Variants in FGGY observed in about 807,000 individuals in gnomAD.
FGGY encodes the protein FGGY carbohydrate kinase domain containing, also known as FGGY carbohydrate kinase domain-containing protein.
Under a neutral mutation model 71.3 loss-of-function variants are expected in FGGY, and 72 were observed. The ratio of observed to expected loss-of-function variants is 1.01; its 90% CI spans 0.84 to 1.23. The LOEUF (loss-of-function observed/expected upper bound fraction) is 1.23. FGGY is among the 50% of genes most tolerant of loss of function. FGGY has a pLI of 0.00. For synonymous variants in FGGY, 251 were observed against 250.3 expected, an observed-to-expected ratio of 1.00 and a Z score of -0.02; for missense variants, 668 against 682.3, an observed-to-expected ratio of 0.98 and a Z score of 0.23.
At chr1:59,622,077 G>T (rs1327701975) in intron 9 of FGGY, among the ~76,000 whole-genome samples, 1 of 151,596 alleles carries the variant, frequency 6.6e-6, no homozygotes, top group Non-Finnish European at 1.5e-5. Flanking sequence ...GGACACTTTT[G>T]TTGGTCATCT....
chr1:59,535,542 C>T (rs1043472066), intron 7 of FGGY, among the ~76,000 whole-genome samples: 1 of 152,002 alleles, frequency 6.6e-6, no homozygotes. Context: ...TTTTTCAGCA[C>T]CACACCACAC....
rs550688955 is a variant in FGGY, at chr1:59,620,098, G to A, written c.1012-5890G>A. Reference sequence around the variant, plus strand: ...GTTATGGAGTCAGAGGGAGGAAGGAGTCAAGAATTACTACGTTTTCTGATG... The same window carrying A: ...GTTATGGAGTCAGAGGGAGGAAGGAATCAAGAATTACTACGTTTTCTGATG... On this transcript the variant is annotated intron_variant, in intron 9 of 15. Coordinates refer to ENST00000303721, the MANE Select transcript of FGGY (RefSeq NM_018291.5). Among the ~76,000 whole-genome samples the A allele has an allele frequency of 1.1e-4, 16 of 152,064 alleles. No homozygotes were observed. In the South Asian group the frequency reaches 3.1e-3, roughly 30 times the overall value.
chr1:59,617,556 A>T (rs1226539768), intron 9 of FGGY, among the ~76,000 whole-genome samples: 1 of 152,056 alleles, frequency 6.6e-6, no homozygotes, highest in Non-Finnish European at 1.5e-5. Flanking sequence ...GGCCTGTCTC[A>T]TGCTTGCCGA....
rs148364868 is a variant in FGGY at position 59,346,048 on chromosome 1, C to G, written c.314-199C>G. On this transcript the variant is annotated intron_variant, in intron 3 of 15. Coordinates refer to ENST00000303721, the MANE Select transcript of FGGY (RefSeq NM_018291.5). Reference sequence around the variant, plus strand: ...TTATTCTAAGGTCATGGTCAGAGAACACATGACTGGACGGGAAATTCCAGG... The same window carrying G: ...TTATTCTAAGGTCATGGTCAGAGAAGACATGACTGGACGGGAAATTCCAGG... Among the ~76,000 whole-genome samples the G allele has an allele frequency of 2.3e-3, 345 of 152,316 alleles. 2 individuals are homozygous for G. Among genetic ancestry groups the G allele is most frequent in the African/African-American group, 8.0e-3 (334 of 41,572 alleles).
chr1:59,470,934 A>G (rs1056414340), intron 6 of FGGY, among the ~76,000 whole-genome samples: 8 of 152,220 alleles, frequency 5.3e-5, no homozygotes, highest in African/African-American at 1.4e-4. Context: ...ATCATGTGAT[A>G]TAAGTGCCAA....
intron 15 of FGGY, among the ~76,000 whole-genome samples, chr1:59,758,255 G>A (rs1559010144): frequency 6.6e-6 from 1 of 152,164 alleles, no homozygotes; most frequent in Non-Finnish European, 1.5e-5. Flanking sequence ...CAGCAAATCT[G>A]CTCTTCTCTG....
chr1:59,351,281 C>T (rs573066088), intron 4 of FGGY, among the ~76,000 whole-genome samples: 3 of 152,246 alleles, frequency 2.0e-5, no homozygotes, highest in Non-Finnish European at 4.4e-5. Flanking sequence ...TTTGCCGACC[C>T]CTGGTCTTGA....
intron 8 of FGGY, among the ~76,000 whole-genome samples, chr1:59,586,939 G>C (rs1291878151): frequency 6.6e-6 from 1 of 152,220 alleles, no homozygotes; most frequent in South Asian, 2.1e-4. Flanking sequence ...CCAGACAGTG[G>C]GCGCAGGACA....
chr1:59,444,567 T>C (rs2070771721), intron 5 of FGGY, among the ~76,000 whole-genome samples: 1 of 152,150 alleles, frequency 6.6e-6, no homozygotes, highest in Non-Finnish European at 1.5e-5. Flanking sequence ...ATACAGGTAC[T>C]GGTCTGTAGC....
chr1:59,369,690 C>T (rs567830862), intron 4 of FGGY, among the ~76,000 whole-genome samples: 63 of 152,248 alleles, frequency 4.1e-4, no homozygotes, highest in Middle Eastern at 3.4e-3. Context: ...ACACCTCACA[C>T]GGCCGGATAC....
At chr1:59,472,315 C>T (rs1407613127) in intron 6 of FGGY, among the ~76,000 whole-genome samples, 3 of 152,232 alleles carry the variant, frequency 2.0e-5, no homozygotes, top group Admixed American at 6.5e-5. Flanking sequence ...CCTTAGCTGC[C>T]TTCCCGCGGG....
At chr1:59,447,703 TCTC>T (rs1436741144) in intron 5 of FGGY, among the ~76,000 whole-genome samples, 2 of 152,152 alleles carry the variant, frequency 1.3e-5, no homozygotes, top group South Asian at 4.1e-4. Flanking sequence ...TTCACTTGGT[TCTC>T]CTCCTCTCTT....
chr1:59,508,242 T>C (rs976461936), intron 6 of FGGY, among the ~76,000 whole-genome samples: 1 of 152,212 alleles, frequency 6.6e-6, no homozygotes, highest in Non-Finnish European at 1.5e-5. Context: ...TACATGGCCC[T>C]AAGAGTCTTA....
intron 5 of FGGY, among the ~76,000 whole-genome samples, chr1:59,439,857 A>G (rs1053566689): frequency 2.2e-4 from 33 of 152,148 alleles, no homozygotes; most frequent in African/African-American, 7.0e-4. Context: ...TGCCTAAGAA[A>G]ACTTGGACTG....
intron 14 of FGGY, among the ~76,000 whole-genome samples, chr1:59,749,515 A>T (rs1313545367): frequency 6.6e-6 from 1 of 152,054 alleles, no homozygotes. Context: ...AAACCCATAC[A>T]TTTGGTGTCA....
intron 9 of FGGY, among the ~76,000 whole-genome samples, chr1:59,616,992 A>G (rs1431041898): frequency 6.6e-6 from 1 of 152,120 alleles, no homozygotes; most frequent in Non-Finnish European, 1.5e-5. Context: ...CTTACCATTT[A>G]CTAATTCTTG....
At position 59,651,319 on chromosome 1, in the gene FGGY, G is replaced by C. The variant is rs562512753; in HGVS notation, c.1222-8900G>C. Among the ~76,000 whole-genome samples the C allele has an allele frequency of 3.5e-3, 524 of 151,536 alleles. 3 individuals carry two copies. Among genetic ancestry groups the C allele is most frequent in the African/African-American group, 0.012 (500 of 41,182 alleles). ...TCCTGGGTATCCTTGTTGACTTTCTGTCTCGTTGATCTGTCTAATGTTGAC... is the reference window on the plus strand; with the variant it reads ...TCCTGGGTATCCTTGTTGACTTTCTCTCTCGTTGATCTGTCTAATGTTGAC... On this transcript the variant is annotated intron_variant, in intron 11 of 15. Transcript: ENST00000303721.
At chr1:59,519,114 C>T (rs573203690) in intron 7 of FGGY, among the ~76,000 whole-genome samples, 15 of 152,352 alleles carry the variant, frequency 9.8e-5, no homozygotes, top group Non-Finnish European at 1.9e-4. Context: ...GACTACCTAA[C>T]ATTCTGAGCT....
intron 14 of FGGY, chr1:59,699,514 A>AT: frequency 1.6e-6 from 1 of 624,216 alleles, no homozygotes; most frequent in Non-Finnish European, 2.0e-6. Context: ...TAGAAAAAGT[A>AT]TTTGTGGGTC....
Sources: gnomAD v4.1 joint callset for allele counts (sites outside exome capture counted in the v4.1 genomes callset) on GRCh38, gnomAD v4.1.1 for gene constraint, MANE v1.5 for transcripts, NCBI Gene and HGNC (gene_info 2026-07-23, HGNC 2026-07-21) for gene names.